The following BOK variants were observed in gnomAD, a reference collection of about 807,000 sequenced individuals.
The protein encoded by BOK is BCL2 family apoptosis regulator BOK, also known as bcl-2-related ovarian killer protein.
A neutral mutation model predicts 18.3 loss-of-function variants in BOK; 20 were observed. The observed-to-expected ratio is 1.09, with a 90% CI of 0.77 to 1.59. BOK has a LOEUF of 1.59. Ranked by LOEUF, BOK falls within the 40% of genes most tolerant of loss-of-function variation. The pLI is 0.00. For synonymous variants in BOK, 173 were observed against 142.4 expected (o/e 1.21, Z -1.53); for missense variants, 348 against 307.9 (o/e 1.13, Z -0.97).
Position 241,570,109 on chromosome 2 carries a change from A to C in BOK, c.350-16A>C. 1 of 1,608,298 alleles carries C rather than the reference A, an allele frequency of 6.2e-7. No homozygotes were observed. The highest frequency in any genetic ancestry group is 8.5e-7 in the Non-Finnish European group (1 of 1,178,062). ...CGGGATTCAAGTCCTGATCTTGACC[A>C]TCTCTCTCCCTGCAGGCATCACGTG... On this transcript the variant is annotated splice_polypyrimidine_tract_variant and intron_variant, in intron 3 of 4. Coordinates refer to ENST00000318407, the MANE Select transcript of BOK (RefSeq NM_032515.5).
rs2066546765 is a variant in BOK at position 241,562,584 on chromosome 2, C to T, written c.349+108C>T. The T allele has an allele frequency of 7.2e-7, 1 of 1,379,818 alleles. No homozygotes were observed. Among genetic ancestry groups the T allele is most frequent in the Non-Finnish European group, 9.6e-7 (1 of 1,044,158 alleles). 85.5% of individuals were successfully genotyped at this position (1,379,818 alleles called of 1,614,324 possible). ...GGCCCCCACCCATCCTGGCGCTGCC[C>T]AGTGCCCACCGGTGCCATCTCACTG... On this transcript the variant is annotated intron_variant, in intron 3 of 4. Transcript: ENST00000318407. This position sits in a 1 kb window ranked among gnomAD's most constrained non-coding sequence, Gnocchi z 4.5.
At chr2:241,572,235 G>A (rs2066735721) in intron 4 of BOK, 62 bp from the exon 5 acceptor site, 3 of 1,588,728 alleles carry the variant, frequency 1.9e-6, no homozygotes, top group South Asian at 2.2e-5. Flanking sequence ...GGGGGGCCTG[G>A]CGGTGCTGGG....
rs766826365 is a variant in BOK, at chr2:241,562,340, C to G, written c.221-8C>G. On this transcript the variant is annotated splice_region_variant and splice_polypyrimidine_tract_variant and intron_variant, in intron 2 of 4. Transcript: ENST00000318407. This position sits in a 1 kb window ranked among gnomAD's most constrained non-coding sequence, Gnocchi z 4.5. ...GGCTGCCTCTCACCTGCTCTTGTGA[C>G]CACACAGGCGATGAGCTGGAGATGA... 6.3e-7 allele frequency: 1 copy of G among 1,593,104 alleles called. No individual in the cohort carries two copies. Among genetic ancestry groups the G allele is most frequent in the African/African-American group, 1.3e-5 (1 of 74,618 alleles).
rs546587727 is a variant in BOK at position 241,562,997 on chromosome 2, C to T, written c.349+521C>T. 2.8e-4 allele frequency among the ~76,000 whole-genome samples: 43 copies of T among 152,280 alleles called. No individual in the cohort carries two copies. Among genetic ancestry groups the T allele is most frequent in the Admixed American group, 2.7e-3 (41 of 15,304 alleles). ...TCAGAAGCGAGCCTCAGGGCTCCAG[C>T]GTCCAGGAGAGGGGAGAGCATGGGG... On this transcript the variant is annotated intron_variant, in intron 3 of 4. Coordinates refer to ENST00000318407, the MANE Select transcript of BOK (RefSeq NM_032515.5). This position sits in a 1 kb window ranked among gnomAD's most constrained non-coding sequence, Gnocchi z 4.5.
At chr2:241,559,400 G>C in intron 1 of BOK, 55 bp from the exon 2 acceptor site, 1 of 1,162,348 alleles carries the variant, frequency 8.6e-7, no homozygotes, top group Non-Finnish European at 1.1e-6. Context: ...GGCGCCCCGC[G>C]CGCCCCGTTC....
At chr2:241,569,157 G>T (rs1286761380) in intron 3 of BOK, among the ~76,000 whole-genome samples, 2 of 152,146 alleles carry the variant, frequency 1.3e-5, no homozygotes. Context: ...TAGAGACGGG[G>T]TCTCGCTCTG....
intron 3 of BOK, among the ~76,000 whole-genome samples, chr2:241,569,268 A>T (rs1184515854): frequency 2.0e-5 from 3 of 151,968 alleles, no homozygotes; most frequent in Non-Finnish European, 4.4e-5. Flanking sequence ...AGTAGCTGGG[A>T]TTATAGGCGC....
In BOK at chr2:241,563,984, C is replaced by A. The variant is rs2125049325; in HGVS notation, c.349+1508C>A. Among the ~76,000 whole-genome samples, 2 of 152,330 alleles carry A rather than the reference C, an allele frequency of 1.3e-5. 1 individual carries two copies. Among genetic ancestry groups the A allele is most frequent in the South Asian group, 4.1e-4 (2 of 4,832 alleles). On this transcript the variant is annotated intron_variant, in intron 3 of 4. Coordinates refer to ENST00000318407, the MANE Select transcript of BOK (RefSeq NM_032515.5). ...CTCCTCCGACCCCTGGTGGGCCAGC[C>A]AGATGGGGACAGAGCGGGGCTGACA...
chr2:241,552,218 C>T (rs1183008795), intron 1 of BOK, among the ~76,000 whole-genome samples: 1 of 152,180 alleles, frequency 6.6e-6, no homozygotes, highest in Admixed American at 6.5e-5. Flanking sequence ...TGGGTCACCC[C>T]ATGCACAGGA....
chr2:241,566,862 G>C (rs183110677), intron 3 of BOK, among the ~76,000 whole-genome samples: 1 of 134,674 alleles, frequency 7.4e-6, no homozygotes, highest in East Asian at 2.6e-4. Context: ...GAAATAGGGA[G>C]TGACTGCTAG....
chr2:241,570,175 G>GCCA lies in BOK; in HGVS notation c.402_403insACC (p.Ala134_Val135insThr), dbSNP rs2066688416. The GCCA allele has an allele frequency of 6.2e-7, 1 of 1,610,694 alleles. No individual in the cohort carries two copies. ...CCTGTATGCGGTGGCCGCGGGGCTG[G>GCCA]CCGTGGACTGTGTGAGGCAGGCCCA... On this transcript the variant is annotated inframe_insertion, in exon 4 of 5. Coordinates refer to ENST00000318407, the MANE Select transcript of BOK (RefSeq NM_032515.5).
At chr2:241,564,467 C>A (rs1244971836) in intron 3 of BOK, among the ~76,000 whole-genome samples, 2 of 148,902 alleles carry the variant, frequency 1.3e-5, no homozygotes, top group Admixed American at 1.3e-4. Flanking sequence ...GGTGGGGGGC[C>A]GGGCCCAGGC....
At chr2:241,558,054 G>GACAGACACACACACACAC (rs2066467944), upstream of BOK, among the ~76,000 whole-genome samples, 1 of 143,244 alleles carries the variant, frequency 7.0e-6, no homozygotes, top group African/African-American at 2.6e-5. Context: ...AGAGTTCCGA[G>GACAGACACACACACACAC]ACACACACAC....
chr2:241,561,928 A>C (rs891154675), intron 2 of BOK, among the ~76,000 whole-genome samples: 5 of 151,888 alleles, frequency 3.3e-5, no homozygotes, highest in African/African-American at 1.2e-4. Context: ...CTCTCACCCC[A>C]GTGCTTTCTC....
intron 2 of BOK, chr2:241,560,001 C>T (rs980217245): frequency 6.7e-6 from 6 of 889,432 alleles, no homozygotes; most frequent in Middle Eastern, 5.7e-4. Context: ...TCCACAGTGA[C>T]CCTTGTTCTC....
chr2:241,557,109 C>T (rs1365438636), upstream of BOK, among the ~76,000 whole-genome samples: 1 of 151,984 alleles, frequency 6.6e-6, no homozygotes, highest in Non-Finnish European at 1.5e-5. Flanking sequence ...TTTTTTCTTA[C>T]TCAATCTTTC....
At chr2:241,568,563 G>A (rs547799940) in intron 3 of BOK, among the ~76,000 whole-genome samples, 5 of 152,182 alleles carry the variant, frequency 3.3e-5, no homozygotes, top group African/African-American at 4.8e-5. Context: ...GATTACAGGC[G>A]CCCACCACCA....
rs568335210 is a variant in BOK, at chr2:241,563,066, C to T, written c.349+590C>T. ...CCGGAGGGCATCCGGAGAACAGCAG[C>T]GCATCTCACCTGGCTGTGCCTGCCT... On this transcript the variant is annotated intron_variant, in intron 3 of 4. Coordinates refer to ENST00000318407, the MANE Select transcript of BOK (RefSeq NM_032515.5). Among the ~76,000 whole-genome samples the T allele has an allele frequency of 4.6e-5, 7 of 152,260 alleles. No homozygotes were observed. In the South Asian group the frequency reaches 6.2e-4, roughly 14 times the overall value.
intron 3 of BOK, among the ~76,000 whole-genome samples, chr2:241,566,491 A>C (rs1436293782): frequency 1.3e-5 from 2 of 151,568 alleles, no homozygotes; most frequent in Non-Finnish European, 2.9e-5. Context: ...TATTATTTAT[A>C]TTATTAGCAG....
Sources: allele counts gnomAD v4.1 joint callset (sites outside exome capture counted in the v4.1 genomes callset), GRCh38; gene constraint gnomAD v4.1.1; non-coding constraint Gnocchi (gnomAD v3.1); transcripts MANE v1.5; gene names NCBI Gene and HGNC (gene_info 2026-07-23, HGNC 2026-07-21).